Variants in CLSTN1 observed in about 807,000 individuals in gnomAD.
CLSTN1 encodes the protein calsyntenin 1.
Under a neutral mutation model 108.3 loss-of-function variants are expected in CLSTN1, and 28 were observed. That is an observed-to-expected ratio of 0.26 (90% CI 0.19 to 0.35). The LOEUF (loss-of-function observed/expected upper bound fraction) is 0.35, where lower values mean the gene tolerates loss of function less well. Among genes scored for constraint, CLSTN1 ranks in the 10% least tolerant of loss-of-function variants. The pLI, the probability that CLSTN1 is intolerant of heterozygous loss-of-function variation, is 1.00. For synonymous variants in CLSTN1, 524 were observed against 534.9 expected (o/e 0.98, Z 0.28); for missense variants, 1,157 against 1,302.6 (o/e 0.89, Z 1.72).
intron 1 of CLSTN1, among the ~76,000 whole-genome samples, chr1:9,789,145 T>C (rs964615824): frequency 1.3e-5 from 2 of 151,454 alleles, no homozygotes; most frequent in African/African-American, 2.4e-5. Context: ...GGTGTACAAA[T>C]ACCTCAAGGC....
At chr1:9,812,848 CAA>C (rs1266998113) in intron 1 of CLSTN1, among the ~76,000 whole-genome samples, 20 of 86,130 alleles carry the variant, frequency 2.3e-4, no homozygotes, top group Middle Eastern at 8.6e-3. Context: ...AACTCTATCT[CAA>C]AAAAAAAAAA....
At chr1:9,755,860 TCAAAA>T (rs1651781650) in intron 3 of CLSTN1, among the ~76,000 whole-genome samples, 2 of 151,592 alleles carry the variant, frequency 1.3e-5, no homozygotes, top group Non-Finnish European at 1.5e-5. Flanking sequence ...AATTAGGGAA[TCAAAA>T]CAAACTACTC....
chr1:9,774,763 T>C (rs1424253403), intron 1 of CLSTN1, among the ~76,000 whole-genome samples: 1 of 151,456 alleles, frequency 6.6e-6, no homozygotes, highest in Admixed American at 6.6e-5. Context: ...TGAAAGCAAC[T>C]TTATTAAGAA....
At chr1:9,798,132 A>G (rs1404351750) in intron 1 of CLSTN1, among the ~76,000 whole-genome samples, 6 of 114,614 alleles carry the variant, frequency 5.2e-5, no homozygotes, top group East Asian at 3.0e-4. Flanking sequence ...GAGAGAGGGG[A>G]AGAGGGGAAG....
At chr1:9,758,122 T>C (rs891367786) in intron 2 of CLSTN1, among the ~76,000 whole-genome samples, 10 of 151,522 alleles carry the variant, frequency 6.6e-5, no homozygotes, top group African/African-American at 2.4e-4. Context: ...GCTTCCTCAG[T>C]AGCTGGGATT....
At chr1:9,797,866 G>A (rs569410044) in intron 1 of CLSTN1, among the ~76,000 whole-genome samples, 1 of 151,984 alleles carries the variant, frequency 6.6e-6, no homozygotes, top group South Asian at 2.1e-4. Context: ...GTATGAGGCG[G>A]GCAGATCACT....
At chr1:9,809,851 A>C (rs1157342491) in intron 1 of CLSTN1, among the ~76,000 whole-genome samples, 1 of 149,930 alleles carries the variant, frequency 6.7e-6, no homozygotes, top group Non-Finnish European at 1.5e-5. Context: ...CAGTGAACCG[A>C]GATCACACCA....
At chr1:9,737,462 AAC>A in intron 11 of CLSTN1, 34 bp downstream of exon 11, 1 of 1,589,428 alleles carries the variant, frequency 6.3e-7, no homozygotes, top group Non-Finnish European at 8.6e-7. Context: ...CTTTAAATGA[AAC>A]ACAATAGTGA....
intron 1 of CLSTN1, among the ~76,000 whole-genome samples, chr1:9,796,539 C>A (rs914794134): frequency 4.0e-5 from 6 of 150,506 alleles, no homozygotes; most frequent in African/African-American, 1.5e-4. Context: ...AAAAAATTAG[C>A]CGGACGTGGT....
intron 1 of CLSTN1, among the ~76,000 whole-genome samples, chr1:9,804,232 G>A (rs180926619): frequency 1.8e-3 from 277 of 151,856 alleles, no homozygotes; most frequent in African/African-American, 6.1e-3. Flanking sequence ...GCGTGGTGGC[G>A]GGCGCCTGTA....
chr1:9,810,366 C>T (rs1224480897), intron 1 of CLSTN1, among the ~76,000 whole-genome samples: 2 of 149,084 alleles, frequency 1.3e-5, no homozygotes, highest in African/African-American at 2.5e-5. Context: ...ATCCCAGCTA[C>T]TCGGGAGGCT....
At chr1:9,824,236 G>T (rs1655323791), upstream of CLSTN1, 1 of 151,274 alleles carries the variant, frequency 6.6e-6, no homozygotes, top group Admixed American at 6.6e-5. This position sits in a 1 kb window ranked among gnomAD's most constrained non-coding sequence, Gnocchi z 5.0. Context: ...AGGGGCCCGG[G>T]GGACTGTATC....
At chr1:9,735,312 A>G in intron 13 of CLSTN1, 138 bp from the exon 14 acceptor site, 1 of 1,363,466 alleles carries the variant, frequency 7.3e-7, no homozygotes, top group South Asian at 1.2e-5. Context: ...ACTTGCAAAC[A>G]AGATGCGTAA....
At position 9,787,791 on chromosome 1, in the gene CLSTN1, G is replaced by A. The variant is rs191726662; in HGVS notation, c.92-14397C>T. Reference sequence around the variant, plus strand: ...CCATTTTTAAGTGTACAGGCCAATAGCATTAAGTACATTCACACTGTCATC... The same window carrying A: ...CCATTTTTAAGTGTACAGGCCAATAACATTAAGTACATTCACACTGTCATC... On this transcript the variant is annotated intron_variant, in intron 1 of 18. Transcript: ENST00000377298. 4.0e-5 allele frequency among the ~76,000 whole-genome samples: 6 copies of A among 151,404 alleles called. 1 individual carries two copies. Among genetic ancestry groups the A allele is most frequent in the Admixed American group, 3.4e-4 (5 of 14,908 alleles).
intron 9 of CLSTN1, among the ~76,000 whole-genome samples, chr1:9,742,751 T>TA (rs1237661871): frequency 6.6e-6 from 1 of 152,052 alleles, no homozygotes; most frequent in Non-Finnish European, 1.5e-5. Context: ...CTACTAAAAA[T>TA]ACAAAAATTA....
At position 9,734,312 on chromosome 1, in the gene CLSTN1, C is replaced by T. The variant is rs1364255720; in HGVS notation, c.2111-170G>A. The stretch of plus-strand genomic sequence containing the variant: ...AGAAACGGCTGGGCGCAGTGGCTCA[C>T]GCCTGTAATCCCAGCACTTTGGGAG... On this transcript the variant is annotated intron_variant, in intron 14 of 18. Coordinates refer to ENST00000377298, the MANE Select transcript of CLSTN1 (RefSeq NM_001009566.3). The surrounding 1 kb of genome is among the most constrained non-coding windows in gnomAD (Gnocchi z 4.8). 3.3e-5 allele frequency among the ~76,000 whole-genome samples: 5 copies of T among 152,182 alleles called. No homozygotes were observed. The highest frequency in any genetic ancestry group is 1.2e-4 in the African/African-American group (5 of 41,436).
At chr1:9,737,175 A>G (rs1198825409) in intron 11 of CLSTN1, among the ~76,000 whole-genome samples, 1 of 152,176 alleles carries the variant, frequency 6.6e-6, no homozygotes, top group Non-Finnish European at 1.5e-5. Flanking sequence ...TCCACATGAC[A>G]GTCACGAGGC....
intron 4 of CLSTN1, among the ~76,000 whole-genome samples, chr1:9,753,664 T>C (rs999519569): frequency 6.6e-6 from 1 of 151,868 alleles, no homozygotes; most frequent in African/African-American, 2.4e-5. Flanking sequence ...GTTAATTTTG[T>C]ATTTTTAGTA....
intron 1 of CLSTN1, among the ~76,000 whole-genome samples, chr1:9,814,289 G>A (rs1484452706): frequency 4.0e-5 from 6 of 149,772 alleles, no homozygotes. Flanking sequence ...GTGTGTGTCT[G>A]TAGTTCCAGC....
Sources: gnomAD v4.1 joint callset for allele counts (sites outside exome capture counted in the v4.1 genomes callset) on GRCh38, gnomAD v4.1.1 for gene constraint, Gnocchi (gnomAD v3.1) non-coding constraint, MANE v1.5 for transcripts, NCBI Gene and HGNC (gene_info 2026-07-23, HGNC 2026-07-21) for gene names.